LSAMP: variants seen among roughly 807,000 people sequenced by gnomAD.
LSAMP encodes limbic system associated membrane protein.
A neutral mutation model predicts 38.6 loss-of-function variants in LSAMP; 7 were observed. The ratio of observed to expected loss-of-function variants is 0.18; its 90% CI spans 0.10 to 0.34. LSAMP has a LOEUF of 0.34. Ranked by LOEUF, LSAMP falls within the 10% of genes least tolerant of loss-of-function variation. The probability of loss-of-function intolerance (pLI) is 1.00; values close to 1 mark genes in which losing one functional copy is unlikely to be tolerated. For missense variants in LSAMP, 313 were observed against 420.0 expected (o/e 0.75, Z 2.23); for synonymous variants, 154 against 166.8 (o/e 0.92, Z 0.59).
At chr3:115,839,836 T>C (rs1934938531) in intron 6 of LSAMP, among the ~76,000 whole-genome samples, 1 of 152,248 alleles carries the variant, frequency 6.6e-6, no homozygotes, top group South Asian at 2.1e-4. Context: ...GGCAGTGTGA[T>C]AGGATACACT....
chr3:115,951,026 A>G (rs1457688614), intron 3 of LSAMP, among the ~76,000 whole-genome samples: 2 of 152,190 alleles, frequency 1.3e-5, no homozygotes, highest in African/African-American at 4.8e-5. Context: ...AATGTAGGAA[A>G]GGAGATCCTG....
chr3:116,385,960 C>A (rs2048621287), intron 1 of LSAMP, among the ~76,000 whole-genome samples: 1 of 151,244 alleles, frequency 6.6e-6, no homozygotes, highest in African/African-American at 2.5e-5. Context: ...CAAATAACCA[C>A]CATTTACAGA....
At chr3:115,953,021 G>T (rs957420073) in intron 3 of LSAMP, among the ~76,000 whole-genome samples, 7 of 152,148 alleles carry the variant, frequency 4.6e-5, no homozygotes, top group African/African-American at 1.7e-4. Flanking sequence ...TTTGCTCAAA[G>T]TCATGAGAGA....
At chr3:115,814,907 G>A (rs932945875) in intron 6 of LSAMP, among the ~76,000 whole-genome samples, 1 of 152,166 alleles carries the variant, frequency 6.6e-6, no homozygotes, top group Admixed American at 6.5e-5. Flanking sequence ...GCGGACTAAG[G>A]CATGTTGGTA....
intron 1 of LSAMP, among the ~76,000 whole-genome samples, chr3:116,222,229 T>C (rs2046293753): frequency 6.6e-6 from 1 of 151,086 alleles, no homozygotes; most frequent in African/African-American, 2.4e-5. Flanking sequence ...GACTTCTGGC[T>C]CACATATCCT....
intron 1 of LSAMP, among the ~76,000 whole-genome samples, chr3:116,129,373 A>T (rs528882919): frequency 6.6e-6 from 1 of 152,276 alleles, no homozygotes; most frequent in Admixed American, 6.5e-5. Context: ...CTGATTAAAT[A>T]TTTGCTCTGA....
chr3:116,313,740 G>C lies in LSAMP; in HGVS notation c.155+131137C>G, dbSNP rs2047589461. On this transcript the variant is annotated intron_variant, in intron 1 of 6. Coordinates refer to ENST00000490035, the MANE Select transcript of LSAMP (RefSeq NM_002338.5). ...AGGCCAAGGTGGGTGGATCACCTGA[G>C]GTCAGGTGTTTGAGACCAGCCTGGC... Among the ~76,000 whole-genome samples, 3 of 152,330 alleles carry C rather than the reference G, an allele frequency of 2.0e-5. No homozygotes were observed. The South Asian group carries it at 6.2e-4, about 32-fold the overall frequency.
intron 1 of LSAMP, among the ~76,000 whole-genome samples, chr3:116,144,716 A>T (rs1024780117): frequency 2.6e-5 from 4 of 151,838 alleles, no homozygotes; most frequent in African/African-American, 9.7e-5. Flanking sequence ...TTCACTTCAG[A>T]TTTATTATAT....
rs1458594270 is a variant in LSAMP at position 116,195,549 on chromosome 3, T to C, written c.156-108993A>G. Among the ~76,000 whole-genome samples the C allele has an allele frequency of 9.0e-4, 137 of 152,178 alleles. 1 individual carries two copies. The highest frequency in any genetic ancestry group is 1.0e-4 in the Non-Finnish European group (7 of 68,028). On this transcript the variant is annotated intron_variant, in intron 1 of 6. Coordinates refer to ENST00000490035, the MANE Select transcript of LSAMP (RefSeq NM_002338.5). ...AATAAACCAACATCAGTTTGTAATG[T>C]ACCACAACTAATATTGTCTAAACTA...
At chr3:116,264,929 C>A (rs1392907078) in intron 1 of LSAMP, among the ~76,000 whole-genome samples, 1 of 152,104 alleles carries the variant, frequency 6.6e-6, no homozygotes, top group African/African-American at 2.4e-5. Context: ...GCAGCACCTT[C>A]CTTCCCTGAG....
In LSAMP at chr3:115,842,530, C is replaced by A; in HGVS notation, c.698G>T (p.Arg233Leu). ...ESKSNEATTG[R>L]QASLKCEASA... ...GGCCTCACATTTGAGTGAAGCTTGT[C>A]GTCCTGTGGTGGCTTCATTGCTCTT... Residue 233 changes from arginine to leucine, a missense_variant, in exon 5 of 7, where the codon CGA becomes CTA. By Grantham distance (102) the Arg-to-Leu change is moderately radical. Coordinates refer to ENST00000490035, the MANE Select transcript of LSAMP (RefSeq NM_002338.5). 6.2e-7 allele frequency: 1 copy of A among 1,613,776 alleles called. No homozygotes were observed. Among genetic ancestry groups the A allele is most frequent in the South Asian group, 1.1e-5 (1 of 91,032 alleles).
intron 1 of LSAMP, among the ~76,000 whole-genome samples, chr3:116,103,141 T>C (rs1708385142): frequency 6.6e-6 from 1 of 152,174 alleles, no homozygotes; most frequent in Non-Finnish European, 1.5e-5. Context: ...AATCATTGTA[T>C]TCTGTCCTGA....
intron 1 of LSAMP, among the ~76,000 whole-genome samples, chr3:116,287,118 A>AAAGTT: frequency 6.6e-6 from 1 of 152,230 alleles, no homozygotes; most frequent in Non-Finnish European, 1.5e-5. Flanking sequence ...TAATTTTTTT[A>AAAGTT]AAGTTAACTG....
At chr3:115,907,838 T>C (rs960212730) in intron 3 of LSAMP, among the ~76,000 whole-genome samples, 6 of 152,184 alleles carry the variant, frequency 3.9e-5, no homozygotes, top group Non-Finnish European at 8.8e-5. Flanking sequence ...GCACCAGCTA[T>C]TGCTGAGTAA....
intron 2 of LSAMP, among the ~76,000 whole-genome samples, chr3:116,057,198 G>A (rs1322329356): frequency 4.6e-5 from 7 of 152,018 alleles, no homozygotes; most frequent in African/African-American, 1.7e-4. Context: ...TTTGCTTAGT[G>A]GCACATTTAC....
chr3:116,103,931 A>G (rs2107455354), intron 1 of LSAMP, among the ~76,000 whole-genome samples: 1 of 152,358 alleles, frequency 6.6e-6, no homozygotes, highest in South Asian at 2.1e-4. Flanking sequence ...TTTGTATAAT[A>G]CCTGAATCAC....
chr3:116,390,739 C>CAAA (rs60344430), intron 1 of LSAMP, among the ~76,000 whole-genome samples: 85 of 55,870 alleles, frequency 1.5e-3, no homozygotes, highest in Middle Eastern at 0.028. Flanking sequence ...GACTCCGCCT[C>CAAA]AAAAAAAAAA....
intron 1 of LSAMP, among the ~76,000 whole-genome samples, chr3:116,299,207 T>C (rs2047374445): frequency 6.6e-6 from 1 of 152,196 alleles, no homozygotes; most frequent in Non-Finnish European, 1.5e-5. Flanking sequence ...ACGACATGAC[T>C]GAATTCTTCC....
intron 1 of LSAMP, among the ~76,000 whole-genome samples, chr3:116,319,810 T>G (rs1323075398): frequency 2.0e-5 from 3 of 151,038 alleles, no homozygotes; most frequent in South Asian, 2.1e-4. Context: ...TTTTGTTTTT[T>G]TTTTTAATAA....
Sources: gnomAD v4.1 joint callset for allele counts (sites outside exome capture counted in the v4.1 genomes callset) on GRCh38, gnomAD v4.1.1 for gene constraint, MANE v1.5 for transcripts, NCBI Gene and HGNC (gene_info 2026-07-23, HGNC 2026-07-21) for gene names.